The following PARP4 variants were observed in gnomAD, a reference collection of about 807,000 sequenced individuals.
PARP4 encodes poly(ADP-ribose) polymerase family member 4.
In PARP4, 120 loss-of-function variants were observed where a neutral mutation model predicts 187.7. The ratio of observed to expected loss-of-function variants is 0.64; its 90% confidence interval spans 0.55 to 0.74. The LOEUF is 0.74. Among genes scored for constraint, PARP4 ranks in the 30% least tolerant of loss-of-function variants. The pLI, the probability that PARP4 is intolerant of heterozygous loss-of-function variation, is 0.00. For synonymous variants in PARP4, 654 were observed against 740.9 expected (o/e 0.88, Z 1.90); for missense variants, 1,836 against 2,070.5 (o/e 0.89, Z 2.20).
chr13:24,454,022 G>A (rs1030791341), intron 22 of PARP4, among the ~76,000 whole-genome samples: 11 of 152,010 alleles, frequency 7.2e-5, no homozygotes, highest in South Asian at 2.1e-4. Context: ...GGCTAAGGCC[G>A]GGAGGCAGAG....
Position 24,442,611 on chromosome 13 carries a change from G to A in PARP4, c.3522C>T (p.Ser1174=). 3 of 1,588,004 alleles carry A rather than the reference G, an allele frequency of 1.9e-6. No individual in the cohort carries two copies. Among genetic ancestry groups the A allele is most frequent in the Admixed American group, 3.3e-5 (2 of 59,952 alleles). The change falls in exon 29 of 34, where the codon AGC becomes AGT. Residue 1174 remains serine (S), a synonymous_variant. Transcript: ENST00000381989. ...ATACCCTTTTCTCAACTGCCACAAA[G>A]CTTGTAAATTGTGTTATGAGAGAGT... ...KENSLITQFT[S]FVAVEKRDEN... is the part of the protein sequence containing the mutation.
chr13:24,456,181 C>T (rs1871840421), intron 21 of PARP4, among the ~76,000 whole-genome samples, 160 bp downstream of exon 21: 1 of 152,118 alleles, frequency 6.6e-6, no homozygotes. Context: ...GTTTGGCATG[C>T]TTGATATCAT....
At chr13:24,473,880 C>CT (rs1872845567) in intron 15 of PARP4, among the ~76,000 whole-genome samples, 2 of 152,184 alleles carry the variant, frequency 1.3e-5, no homozygotes, top group South Asian at 4.1e-4. Flanking sequence ...CTCCTGGTCT[C>CT]TGTGGCTGAC....
chr13:24,465,950 T>C (rs1035706334), intron 17 of PARP4, among the ~76,000 whole-genome samples: 1 of 152,218 alleles, frequency 6.6e-6, no homozygotes, highest in Non-Finnish European at 1.5e-5. Flanking sequence ...TAGTATAATA[T>C]TGTAGGCTGT....
chr13:24,501,864 C>A, intron 2 of PARP4, 30 bp from the exon 3 acceptor site: 1 of 1,262,598 alleles, frequency 7.9e-7, no homozygotes, highest in Non-Finnish European at 1.1e-6. Flanking sequence ...ATCCATTATG[C>A]ATCAAGAAAA....
intron 19 of PARP4, 32 bp downstream of exon 19, chr13:24,459,231 TG>T: frequency 6.3e-7 from 1 of 1,588,346 alleles, no homozygotes; most frequent in Non-Finnish European, 8.6e-7. Context: ...CAATATCCAT[TG>T]AATTGACAGG....
At chr13:24,466,796 C>CAAAAAAAAAAAAAAAAAAAAAAAA (rs34197201) in intron 17 of PARP4, among the ~76,000 whole-genome samples, 2 of 90,850 alleles carry the variant, frequency 2.2e-5, no homozygotes, top group Non-Finnish European at 4.2e-5. Flanking sequence ...GACTCTGTCT[C>CAAAAAAAAAAAAAAAAAAAAAAAA]AAAAAAAAAA....
intron 27 of PARP4, 27 bp from the exon 28 acceptor site, chr13:24,443,757 A>C (rs1242646820): frequency 1.3e-6 from 2 of 1,500,384 alleles, no homozygotes; most frequent in Admixed American, 1.7e-5. Flanking sequence ...AAGGAAAAAA[A>C]ATATTCACAT....
intron 31 of PARP4, among the ~76,000 whole-genome samples, chr13:24,433,990 A>T (rs1306225782): frequency 6.6e-6 from 1 of 151,552 alleles, no homozygotes; most frequent in Non-Finnish European, 1.5e-5. Context: ...GAAAATATTT[A>T]GAGTACAGGT....
intron 30 of PARP4, among the ~76,000 whole-genome samples, chr13:24,439,520 G>A (rs142091003): frequency 3.1e-3 from 468 of 152,046 alleles, no homozygotes; most frequent in Non-Finnish European, 5.4e-3. Context: ...GTGTAGGGGC[G>A]TATCTCTTAT....
intron 12 of PARP4, among the ~76,000 whole-genome samples, chr13:24,481,345 A>T (rs60588030): frequency 0.011 from 1,648 of 152,380 alleles, 39 homozygotes; most frequent in African/African-American, 0.036. Flanking sequence ...ACAACTTACA[A>T]TCTGCAGCCA....
rs568580283 is a variant in PARP4, at chr13:24,501,453, C to T, written c.334+180G>A. On this transcript the variant is annotated intron_variant, in intron 3 of 33. Transcript: ENST00000381989. ...CCTACTAGGCTAGATATCAAGAAAT[C>T]TGTTTCTAGTGCTAAAGTAGTCTTT... is the stretch of plus-strand genomic sequence containing the variant. 5.1e-4 allele frequency among the ~76,000 whole-genome samples: 77 copies of T among 152,282 alleles called. No individual in the cohort carries two copies. The South Asian group carries it at 0.016, about 31-fold the overall frequency.
intron 15 of PARP4, among the ~76,000 whole-genome samples, chr13:24,475,174 C>G (rs774250738): frequency 3.5e-4 from 54 of 152,138 alleles, no homozygotes; most frequent in Non-Finnish European, 6.9e-4. Context: ...TCCTGCTTTC[C>G]TTTTTCTCTT....
At position 24,468,400 on chromosome 13, in the gene PARP4, C is replaced by CT. The variant is rs140804702; in HGVS notation, c.2133+623dup. ...GGAAAATTGTAAATATATCACACTC[C>CT]TTTTTTTTTTTTTTTTTTTTTGAGA... On this transcript the variant is annotated intron_variant, in intron 17 of 33. Coordinates refer to ENST00000381989, the MANE Select transcript of PARP4 (RefSeq NM_006437.4). Among the ~76,000 whole-genome samples, 424 of 121,232 alleles carry CT rather than the reference C, an allele frequency of 3.5e-3. 1 individual carries two copies. Among genetic ancestry groups the CT allele is most frequent in the African/African-American group, 6.7e-3 (217 of 32,240 alleles). 79.5% of individuals were successfully genotyped at this position (121,232 alleles called of 152,430 possible). A position where few individuals can be genotyped will look rare whatever the true frequency, so the allele number is the denominator to read the frequency against.
In PARP4 at chr13:24,447,141, C is replaced by G; in HGVS notation, c.3160G>C (p.Val1054Leu). ...TRLCSPSCHS[V>L]SVKWQQLNPD... The stretch of plus-strand genomic sequence containing the variant: ...TTGAGTTGCTGCCATTTGACGGAGA[C>G]AGAGTGGCAACTCGGAGAACATAGC... Residue 1054 changes from valine (V) to leucine (L), a missense_variant, in exon 26 of 34, where the codon GTC (valine) becomes CTC (leucine). By Grantham distance (32) the Val-to-Leu change is conservative. Coordinates refer to ENST00000381989, the MANE Select transcript of PARP4 (RefSeq NM_006437.4). 6.2e-7 allele frequency: 1 copy of G among 1,613,232 alleles called. No homozygotes were observed. Among genetic ancestry groups the G allele is most frequent in the Non-Finnish European group, 8.5e-7 (1 of 1,179,506 alleles).
chr13:24,446,267 G>T (rs570976295), intron 27 of PARP4, among the ~76,000 whole-genome samples: 1 of 152,286 alleles, frequency 6.6e-6, no homozygotes, highest in East Asian at 1.9e-4. Context: ...GACATACCTA[G>T]ACCAAACTAC....
At chr13:24,499,600 G>C (rs1043140851) in intron 4 of PARP4, among the ~76,000 whole-genome samples, 4 of 152,080 alleles carry the variant, frequency 2.6e-5, no homozygotes, top group African/African-American at 9.7e-5. Flanking sequence ...ATAATCTCCA[G>C]CTCAGATACC....
At chr13:24,483,442 T>C (rs9553321) in intron 12 of PARP4, among the ~76,000 whole-genome samples, 32,559 of 84,920 alleles carry the variant, frequency 0.38, 6,134 homozygotes, top group East Asian at 0.42. Flanking sequence ...GCCGAGATTG[T>C]GCCACTGCAG....
intron 8 of PARP4, among the ~76,000 whole-genome samples, chr13:24,493,325 G>C (rs956120969): frequency 6.6e-6 from 1 of 152,198 alleles, no homozygotes; most frequent in African/African-American, 2.4e-5. Flanking sequence ...TGGCACAGAG[G>C]ATCAGGCCTC....
Sources: allele counts gnomAD v4.1 joint callset (sites outside exome capture counted in the v4.1 genomes callset), GRCh38; gene constraint gnomAD v4.1.1; transcripts MANE v1.5; gene names NCBI Gene and HGNC (gene_info 2026-07-23, HGNC 2026-07-21).